ABCA8: variants seen among roughly 807,000 people sequenced by gnomAD.
ABCA8 encodes ABC-type organic anion transporter ABCA8.
Under a neutral mutation model 192.3 loss-of-function variants are expected in ABCA8, and 177 were observed. That is an observed-to-expected ratio of 0.92 (90% CI 0.81 to 1.04). The LOEUF (loss-of-function observed/expected upper bound fraction) is 1.04. ABCA8 is among the 50% of genes least tolerant of loss of function. The pLI is 0.00. For synonymous variants in ABCA8, 642 were observed against 690.2 expected (o/e 0.93, Z 1.09); for missense variants, 1,915 against 1,904.8 (o/e 1.01, Z -0.10).
chr17:68,884,872 C>A, intron 27 of ABCA8: 2 of 983,548 alleles, frequency 2.0e-6, no homozygotes, highest in Non-Finnish European at 2.4e-6. Context: ...TCTGAAATCC[C>A]AAAGATTAGG....
Position 68,907,882 on chromosome 17 carries a change from G to A in ABCA8, c.2139-3C>T, listed in dbSNP as rs2067121718. ...CACATATTTCATTTAACTGCAAGCT[G>A]GCATTCAGAAAAAAAAAAAAAGACA... On this transcript the variant is annotated splice_polypyrimidine_tract_variant and splice_region_variant and intron_variant, in intron 17 of 39. Coordinates refer to ENST00000586539, the MANE Select transcript of ABCA8 (RefSeq NM_001288985.2). 1.3e-6 allele frequency: 2 copies of A among 1,543,758 alleles called. No individual in the cohort carries two copies. The highest frequency in any genetic ancestry group is 2.3e-5 in the East Asian group (1 of 43,650).
intron 17 of ABCA8, among the ~76,000 whole-genome samples, chr17:68,908,209 C>T (rs1009953865): frequency 2.0e-5 from 3 of 152,090 alleles, no homozygotes; most frequent in African/African-American, 7.2e-5. Context: ...ACCAGGGTTG[C>T]AGTACAGCAA....
intron 17 of ABCA8, among the ~76,000 whole-genome samples, chr17:68,910,422 A>G (rs561777206): frequency 6.6e-6 from 1 of 152,284 alleles, no homozygotes; most frequent in African/African-American, 2.4e-5. Context: ...CCACAGAGGG[A>G]GCATTTAGAC....
chr17:68,870,174 ACTC>A (rs1177197290), intron 37 of ABCA8, among the ~76,000 whole-genome samples: 1 of 151,910 alleles, frequency 6.6e-6, no homozygotes, highest in African/African-American at 2.4e-5. Context: ...CTTCATAAAA[ACTC>A]CATAACCTGA....
intron 12 of ABCA8, among the ~76,000 whole-genome samples, chr17:68,921,716 T>C (rs1245495110): frequency 6.6e-6 from 1 of 152,194 alleles, no homozygotes; most frequent in Non-Finnish European, 1.5e-5. Flanking sequence ...AATTTTGAAA[T>C]TACTTAGTTT....
chr17:68,932,472 T>C lies in ABCA8; in HGVS notation c.613A>G (p.Thr205Ala). The change falls in exon 7 of 40, where the codon ACT becomes GCT. Residue 205 changes from threonine to alanine, a missense_variant. Physicochemically the swap from Thr to Ala is moderately conservative, Grantham distance 58. Transcript: ENST00000586539. ...GAATGCATCTTCATATTTTTTCCAG[T>C]AACTGACATCAGCTCCTCCATCACT... ...HSVMEELMSVTGKNMKMHSFI... is the reference protein window; with the variant it reads ...HSVMEELMSVAGKNMKMHSFI... The C allele has an allele frequency of 6.2e-7, 1 of 1,613,998 alleles. No homozygotes were observed. The highest frequency in any genetic ancestry group is 8.5e-7 in the Non-Finnish European group (1 of 1,179,832).
chr17:68,891,728 T>C (rs1196443824), intron 23 of ABCA8, 132 bp from the exon 24 acceptor site: 1 of 596,248 alleles, frequency 1.7e-6, no homozygotes, highest in African/African-American at 1.9e-5. Context: ...CCAGATTCCT[T>C]CATTATCCTT....
intron 13 of ABCA8, among the ~76,000 whole-genome samples, chr17:68,920,788 G>C (rs2067511670): frequency 6.6e-6 from 1 of 152,066 alleles, no homozygotes; most frequent in South Asian, 2.1e-4. Flanking sequence ...GGAAGTCAGT[G>C]TGGCGATTCC....
chr17:68,917,997 T>C (rs2067420831), intron 16 of ABCA8, 50 bp downstream of exon 16: 2 of 1,600,028 alleles, frequency 1.2e-6, no homozygotes, highest in Non-Finnish European at 8.5e-7. Context: ...TCCATATTTT[T>C]AGATCTCTTA....
chr17:68,892,970 A>G (rs1193531161), intron 23 of ABCA8, among the ~76,000 whole-genome samples: 1 of 152,124 alleles, frequency 6.6e-6, no homozygotes, highest in East Asian at 1.9e-4. Context: ...TGATCCTGCC[A>G]CTGCACTCCG....
intron 17 of ABCA8, among the ~76,000 whole-genome samples, chr17:68,910,699 G>A (rs2067210044): frequency 6.6e-6 from 1 of 152,164 alleles, no homozygotes; most frequent in Admixed American, 6.5e-5. Flanking sequence ...GTTGAGGAGA[G>A]GAGAGAGGAG....
chr17:68,955,190 A>G (rs1477122346), intron 1 of ABCA8, 29 bp downstream of exon 1: 1 of 152,218 alleles, frequency 6.6e-6, no homozygotes, highest in African/African-American at 2.4e-5. Context: ...AAAATACAAA[A>G]CAAAACAGAA....
At chr17:68,872,981 T>G (rs2066105003) in intron 37 of ABCA8, among the ~76,000 whole-genome samples, 1 of 152,148 alleles carries the variant, frequency 6.6e-6, no homozygotes, top group South Asian at 2.1e-4. Flanking sequence ...TAAGGTTAAT[T>G]TATTAAATAA....
chr17:68,918,336 C>A (rs2067437520), intron 15 of ABCA8, 91 bp downstream of exon 15: 1 of 1,494,416 alleles, frequency 6.7e-7, no homozygotes, highest in Middle Eastern at 1.7e-4. Flanking sequence ...TATTTTATAA[C>A]ACATGTCCTT....
chr17:68,932,113 G>A, intron 7 of ABCA8, 175 bp downstream of exon 7: 1 of 483,258 alleles, frequency 2.1e-6, no homozygotes, highest in South Asian at 2.8e-5. Context: ...GGGAGGCCGA[G>A]GCAGGAGAAT....
Position 68,922,222 on chromosome 17 carries a change from T to C in ABCA8, c.1501+20A>G, listed in dbSNP as rs760169627. 182 of 111,170 alleles carry C rather than the reference T, an allele frequency of 1.6e-3. 7 individuals carry two copies. Among genetic ancestry groups the C allele is most frequent in the African/African-American group, 7.3e-3 (117 of 15,962 alleles). 6.9% of individuals were successfully genotyped at this position (111,170 alleles called of 1,614,324 possible). ...TTTTTTTTTTTTTTTTTTTTTTTTTTTTTTTTTTTTTTTTTTTACCTTTCA... is the reference window on the plus strand; with the variant it reads ...TTTTTTTTTTTTTTTTTTTTTTTTTCTTTTTTTTTTTTTTTTTACCTTTCA... On this transcript the variant is annotated intron_variant, in intron 12 of 39. Transcript: ENST00000586539.
chr17:68,913,555 A>C (rs1240977568), intron 17 of ABCA8, among the ~76,000 whole-genome samples: 1 of 152,074 alleles, frequency 6.6e-6, no homozygotes, highest in Non-Finnish European at 1.5e-5. Flanking sequence ...AGGAGAAATA[A>C]CAACTGATAC....
chr17:68,871,811 T>C (rs1269672025), intron 37 of ABCA8, among the ~76,000 whole-genome samples: 1 of 152,196 alleles, frequency 6.6e-6, no homozygotes, highest in African/African-American at 2.4e-5. Flanking sequence ...GTAACCAAAC[T>C]TACTGTGCTG....
chr17:68,871,923 T>C (rs1050852709), intron 37 of ABCA8, among the ~76,000 whole-genome samples: 5 of 152,230 alleles, frequency 3.3e-5, no homozygotes, highest in Non-Finnish European at 7.3e-5. Flanking sequence ...TACCATACTA[T>C]ACTTTTTATC....
Sources: allele counts gnomAD v4.1 joint callset (sites outside exome capture counted in the v4.1 genomes callset), GRCh38; gene constraint gnomAD v4.1.1; transcripts MANE v1.5; gene names NCBI Gene and HGNC (gene_info 2026-07-23, HGNC 2026-07-21).